NAV3: variants seen among roughly 807,000 people sequenced by gnomAD.
The protein encoded by NAV3 is neuron navigator 3.
In NAV3, 87 loss-of-function variants were observed where a neutral mutation model predicts 244.7. The ratio of observed to expected loss-of-function variants is 0.36; its 90% confidence interval spans 0.30 to 0.42. The LOEUF (loss-of-function observed/expected upper bound fraction) is 0.42, where lower values mean the gene tolerates loss of function less well. Among genes scored for constraint, NAV3 ranks in the 20% least tolerant of loss-of-function variants. The probability of loss-of-function intolerance (pLI) is 1.00; values close to 1 mark genes in which losing one functional copy is unlikely to be tolerated. For missense variants in NAV3, 2,663 were observed against 2,893.3 expected, an observed-to-expected ratio of 0.92 and a Z score of 1.83; for synonymous variants, 1,126 against 1,042.2, an observed-to-expected ratio of 1.08 and a Z score of -1.55.
At chr12:77,715,058 G>A (rs189330761) in intron 2 of NAV3, among the ~76,000 whole-genome samples, 58 of 152,048 alleles carry the variant, frequency 3.8e-4, no homozygotes, top group Admixed American at 2.9e-3. Flanking sequence ...TATTGATTTG[G>A]TTCTCCCATT....
chr12:77,603,721 T>C (rs1870542819), intron 2 of NAV3, among the ~76,000 whole-genome samples: 1 of 152,024 alleles, frequency 6.6e-6, no homozygotes, highest in South Asian at 2.1e-4. Flanking sequence ...GAACCTTGAA[T>C]TGTGGGTGGA....
At chr12:78,060,447 G>T (rs1422621168) in intron 12 of NAV3, among the ~76,000 whole-genome samples, 1 of 144,082 alleles carries the variant, frequency 6.9e-6, no homozygotes, top group Non-Finnish European at 1.5e-5. Context: ...ATATACTCTT[G>T]TGTGTGGGTG....
chr12:77,821,068 T>G (rs1183876633), intron 2 of NAV3, among the ~76,000 whole-genome samples: 1 of 141,044 alleles, frequency 7.1e-6, no homozygotes, highest in Non-Finnish European at 1.6e-5. Flanking sequence ...CACACACACA[T>G]GTACACACAC....
At chr12:77,848,282 C>T (rs754189772) in intron 1 of NAV3, among the ~76,000 whole-genome samples, 1 of 152,164 alleles carries the variant, frequency 6.6e-6, no homozygotes, top group African/African-American at 2.4e-5. Flanking sequence ...TTTGTAATGA[C>T]TGTGGTTTCT....
chr12:78,027,595 C>T (rs1166531372), intron 9 of NAV3, among the ~76,000 whole-genome samples: 4 of 152,182 alleles, frequency 2.6e-5, no homozygotes, highest in Non-Finnish European at 5.9e-5. Flanking sequence ...CCAAACCTGA[C>T]CTCCTGTGAC....
intron 12 of NAV3, among the ~76,000 whole-genome samples, chr12:78,071,524 A>T (rs1050170816): frequency 1.3e-5 from 2 of 152,114 alleles, no homozygotes; most frequent in East Asian, 3.9e-4. Context: ...CTCTGATGGT[A>T]GTTTCTTTTG....
chr12:78,087,329 A>C (rs1953689995), intron 12 of NAV3, among the ~76,000 whole-genome samples: 1 of 152,058 alleles, frequency 6.6e-6, no homozygotes, highest in Non-Finnish European at 1.5e-5. Context: ...GCTGAAAATC[A>C]ACAGCCTAAA....
rs559167675 is a variant in NAV3 at position 78,027,973 on chromosome 12, G to GT, written c.2023+6119dup. Among the ~76,000 whole-genome samples, 456 of 150,724 alleles carry GT rather than the reference G, an allele frequency of 3.0e-3. 1 individual carries two copies. The highest frequency in any genetic ancestry group is 8.8e-3 in the African/African-American group (358 of 40,856). On this transcript the variant is annotated intron_variant, in intron 9 of 39. Transcript: ENST00000397909. ...TTTTTGTTTTGTTTTGTTTTGTTTT[G>GT]TTTTTTTTATAGCACAGAAAGTCAA... is the stretch of plus-strand genomic sequence containing the variant.
chr12:78,104,991 T>C (rs762502099), intron 12 of NAV3, among the ~76,000 whole-genome samples: 1 of 152,186 alleles, frequency 6.6e-6, no homozygotes, highest in Non-Finnish European at 1.5e-5. Flanking sequence ...TTCACAATGC[T>C]GAGTGTTTGT....
At chr12:77,833,076 A>G (rs1873993142) in intron 1 of NAV3, among the ~76,000 whole-genome samples, 1 of 152,210 alleles carries the variant, frequency 6.6e-6, no homozygotes, top group Non-Finnish European at 1.5e-5. Flanking sequence ...AACTTTATTC[A>G]TAAAGTCTTT....
At chr12:78,154,649 C>G (rs1957228887) in intron 22 of NAV3, among the ~76,000 whole-genome samples, 2 of 151,644 alleles carry the variant, frequency 1.3e-5, no homozygotes, top group African/African-American at 4.8e-5. Context: ...TCACCTAACA[C>G]AAGTCAGGGG....
chr12:78,064,637 G>T (rs991606511), intron 12 of NAV3, among the ~76,000 whole-genome samples: 1 of 151,996 alleles, frequency 6.6e-6, no homozygotes, highest in Non-Finnish European at 1.5e-5. Context: ...TAAATTAGGG[G>T]GTGGAGACAT....
intron 1 of NAV3, among the ~76,000 whole-genome samples, chr12:77,833,542 T>C (rs534356763): frequency 3.4e-4 from 52 of 152,182 alleles, no homozygotes; most frequent in African/African-American, 1.2e-3. Context: ...TACAGCAGCA[T>C]CTAGGGTTGA....
At chr12:77,637,208 C>CA (rs111499697) in intron 2 of NAV3, among the ~76,000 whole-genome samples, 63 of 147,160 alleles carry the variant, frequency 4.3e-4, no homozygotes, top group Middle Eastern at 3.5e-3. Flanking sequence ...ATGCTTGTGA[C>CA]AAAAAAAAAA....
intron 12 of NAV3, among the ~76,000 whole-genome samples, chr12:78,066,577 T>C (rs1188794605): frequency 6.6e-6 from 1 of 152,118 alleles, no homozygotes; most frequent in Non-Finnish European, 1.5e-5. Flanking sequence ...TCAAGCTATA[T>C]TTTGGGTTGT....
chr12:77,771,114 G>C (rs1370171035), intron 2 of NAV3, among the ~76,000 whole-genome samples: 1 of 152,154 alleles, frequency 6.6e-6, no homozygotes, highest in Non-Finnish European at 1.5e-5. Flanking sequence ...GATATGAACA[G>C]ACACTTCTCA....
At chr12:77,656,866 C>A (rs1873134741) in intron 2 of NAV3, among the ~76,000 whole-genome samples, 1 of 151,914 alleles carries the variant, frequency 6.6e-6, no homozygotes, top group African/African-American at 2.4e-5. Flanking sequence ...CTACTGGGTA[C>A]ATAACAAAAT....
At chr12:77,949,924 C>T (rs899712842) in intron 3 of NAV3, among the ~76,000 whole-genome samples, 5 of 152,054 alleles carry the variant, frequency 3.3e-5, no homozygotes, top group Non-Finnish European at 7.4e-5. Context: ...AGCATGTAGA[C>T]TTTTCAGGTT....
chr12:78,173,994 C>G (rs1958115992), intron 24 of NAV3, among the ~76,000 whole-genome samples: 1 of 151,622 alleles, frequency 6.6e-6, no homozygotes, highest in Non-Finnish European at 1.5e-5. Flanking sequence ...TTCAGTAAAT[C>G]AGTCAATTGA....
Sources: gnomAD v4.1 joint callset for allele counts (sites outside exome capture counted in the v4.1 genomes callset) on GRCh38, gnomAD v4.1.1 for gene constraint, MANE v1.5 for transcripts, NCBI Gene and HGNC (gene_info 2026-07-23, HGNC 2026-07-21) for gene names.